GSR: variants seen among roughly 807,000 people sequenced by gnomAD.
GSR encodes glutathione-disulfide reductase.
GSR carries 48 observed loss-of-function variants against 56.5 expected under a neutral mutation model. That is an observed-to-expected ratio of 0.85 (90% confidence interval 0.67 to 1.08). The LOEUF (loss-of-function observed/expected upper bound fraction) is 1.08, where lower values mean the gene tolerates loss of function less well. GSR is among the 50% of genes least tolerant of loss of function. GSR has a pLI of 0.00. For missense variants in GSR, 694 were observed against 703.3 expected (o/e 0.99, Z 0.15); for synonymous variants, 264 against 270.8 (o/e 0.97, Z 0.25).
At chr8:30,713,126 T>G (rs1804210870) in intron 1 of GSR, among the ~76,000 whole-genome samples, 1 of 151,918 alleles carries the variant, frequency 6.6e-6, no homozygotes. Flanking sequence ...AAACTCCACC[T>G]CCCAGATTCA....
At chr8:30,690,001 TATAC>T (rs548987164) in intron 8 of GSR, among the ~76,000 whole-genome samples, 7 of 100,152 alleles carry the variant, frequency 7.0e-5, no homozygotes, top group African/African-American at 1.9e-4. Flanking sequence ...TGTATATTTA[TATAC>T]ATATATTATA....
intron 4 of GSR, among the ~76,000 whole-genome samples, chr8:30,705,083 T>C (rs1586054920): frequency 6.6e-6 from 1 of 151,982 alleles, no homozygotes; most frequent in Non-Finnish European, 1.5e-5. Flanking sequence ...TGCTGGTTCC[T>C]GAATAATTTT....
chr8:30,680,857 C>T (rs750829088), intron 12 of GSR, 47 bp downstream of exon 12: 3 of 1,578,802 alleles, frequency 1.9e-6, no homozygotes, highest in Admixed American at 1.7e-5. Context: ...ACTGCCATCC[C>T]TGTCCATTTT....
At chr8:30,724,620 C>T (rs1804664122) in intron 1 of GSR, among the ~76,000 whole-genome samples, 1 of 120,466 alleles carries the variant, frequency 8.3e-6, no homozygotes, top group African/African-American at 3.2e-5. Context: ...ATGATCTTGG[C>T]TCACTGCAAC....
At chr8:30,705,947 A>T (rs553068745) in intron 4 of GSR, among the ~76,000 whole-genome samples, 1 of 152,258 alleles carries the variant, frequency 6.6e-6, no homozygotes, top group South Asian at 2.1e-4. Flanking sequence ...TGTATGAAGT[A>T]ACTCGTCCTA....
chr8:30,711,835 A>G (rs1190882138), intron 2 of GSR, among the ~76,000 whole-genome samples: 1 of 152,104 alleles, frequency 6.6e-6, no homozygotes, highest in Non-Finnish European at 1.5e-5. Flanking sequence ...CTCCGTCTCA[A>G]AAAAACAATA....
At chr8:30,720,492 C>G (rs1444054818) in intron 1 of GSR, among the ~76,000 whole-genome samples, 1 of 152,086 alleles carries the variant, frequency 6.6e-6, no homozygotes, top group Non-Finnish European at 1.5e-5. Context: ...GATAAAGATC[C>G]CTGTCTCTGT....
chr8:30,689,021 T>C, intron 9 of GSR, 140 bp downstream of exon 9: 1 of 719,500 alleles, frequency 1.4e-6, no homozygotes, highest in East Asian at 2.7e-5. Context: ...GCAATGAAAT[T>C]TGATCACAAA....
chr8:30,697,461 T>C (rs1042593030), intron 6 of GSR, among the ~76,000 whole-genome samples: 1 of 149,366 alleles, frequency 6.7e-6, no homozygotes, highest in African/African-American at 2.5e-5. Flanking sequence ...AAAAAACCCC[T>C]AAAAGTAAAA....
intron 8 of GSR, 100 bp from the exon 9 acceptor site, chr8:30,689,419 A>G: frequency 2.0e-6 from 2 of 976,250 alleles, no homozygotes; most frequent in Non-Finnish European, 3.3e-6. Flanking sequence ...TTAACATTAA[A>G]GAAAATCCCT....
At chr8:30,723,416 C>T (rs1405081463) in intron 1 of GSR, among the ~76,000 whole-genome samples, 2 of 152,024 alleles carry the variant, frequency 1.3e-5, no homozygotes, top group African/African-American at 4.8e-5. Flanking sequence ...CGCTTGAGCC[C>T]AGGAGTTTGA....
At chr8:30,726,590 T>A (rs1307981246) in intron 1 of GSR, among the ~76,000 whole-genome samples, 1 of 151,838 alleles carries the variant, frequency 6.6e-6, no homozygotes, top group Non-Finnish European at 1.5e-5. Context: ...GAGACCCCCA[T>A]CTCTACAAAA....
intron 8 of GSR, among the ~76,000 whole-genome samples, chr8:30,690,158 A>T (rs201569201): frequency 2.9e-5 from 4 of 138,752 alleles, no homozygotes; most frequent in South Asian, 2.2e-4. Context: ...ATAAAATAAT[A>T]TATTTATTTA....
At chr8:30,720,197 A>G (rs953450301) in intron 1 of GSR, among the ~76,000 whole-genome samples, 1 of 152,054 alleles carries the variant, frequency 6.6e-6, no homozygotes, top group Non-Finnish European at 1.5e-5. Context: ...TGGGTGACAG[A>G]GCAAGACCCT....
intron 10 of GSR, 69 bp downstream of exon 10, chr8:30,684,019 G>A (rs143145312): frequency 1.2e-6 from 1 of 835,004 alleles, no homozygotes; most frequent in African/African-American, 1.7e-5. Flanking sequence ...CTGCAGATTT[G>A]ACAGTGAAGA....
At chr8:30,684,394 G>A (rs1380479452) in intron 9 of GSR, among the ~76,000 whole-genome samples, 195 bp from the exon 10 acceptor site, 1 of 152,032 alleles carries the variant, frequency 6.6e-6, no homozygotes, top group African/African-American at 2.4e-5. Flanking sequence ...GCCCACACCT[G>A]TAACCCCAGA....
chr8:30,697,180 C>A (rs1363828619), intron 6 of GSR, among the ~76,000 whole-genome samples: 1 of 152,006 alleles, frequency 6.6e-6, no homozygotes, highest in African/African-American at 2.4e-5. Flanking sequence ...CTTTGGGAGG[C>A]TGAGGTGGGT....
chr8:30,697,894 T>C (rs1467037164), intron 6 of GSR, among the ~76,000 whole-genome samples: 6 of 152,128 alleles, frequency 3.9e-5, no homozygotes, highest in African/African-American at 1.4e-4. Context: ...TTGTGCTGTG[T>C]TGCCTAGGCT....
In GSR at chr8:30,727,832, C is replaced by T. The variant is rs577279952; in HGVS notation, c.4G>A (p.Ala2Thr). ...GCGCTCAGGGCTCGGGGCAGCAGGG[C>T]CATGCACGCGGAAGTGGCGCGCCAA... M[A>T]LLPRALSAGA... Residue 2 changes from alanine to threonine, a missense_variant, in exon 1 of 13, where the codon GCC becomes ACC. Ala to Thr is a moderately conservative substitution (Grantham distance 58). Coordinates refer to ENST00000221130, the MANE Select transcript of GSR (RefSeq NM_000637.5). The T allele has an allele frequency of 9.8e-6, 12 of 1,223,066 alleles. No individual in the cohort carries two copies. Among genetic ancestry groups the T allele is most frequent in the South Asian group, 3.5e-5 (1 of 28,364 alleles). 75.8% of individuals were successfully genotyped at this position (1,223,066 alleles called of 1,614,324 possible).
Sources: gnomAD v4.1 joint callset for allele counts (sites outside exome capture counted in the v4.1 genomes callset) on GRCh38, gnomAD v4.1.1 for gene constraint, MANE v1.5 for transcripts, NCBI Gene and HGNC (gene_info 2026-07-23, HGNC 2026-07-21) for gene names.